Variants in DPP6 observed in about 807,000 individuals in gnomAD.
DPP6 encodes the protein A-type potassium channel modulatory protein DPP6.
Under a neutral mutation model 122.6 loss-of-function variants are expected in DPP6, and 69 were observed. The observed-to-expected ratio is 0.56, with a 90% CI of 0.46 to 0.69. DPP6 has a LOEUF of 0.69. DPP6 is among the 30% of genes least tolerant of loss of function. DPP6 has a pLI of 0.00. For missense variants in DPP6, 928 were observed against 1,116.9 expected (o/e 0.83, Z 2.41); for synonymous variants, 418 against 433.1 (o/e 0.97, Z 0.43).
chr7:154,674,168 G>A (rs1342290310), intron 7 of DPP6, among the ~76,000 whole-genome samples: 3 of 152,110 alleles, frequency 2.0e-5, no homozygotes, highest in African/African-American at 4.8e-5. Context: ...GAGCCACTCT[G>A]CCCGGCCATC....
chr7:154,693,591 C>T (rs905134213), intron 7 of DPP6, among the ~76,000 whole-genome samples: 4 of 152,128 alleles, frequency 2.6e-5, no homozygotes, highest in Non-Finnish European at 5.9e-5. Flanking sequence ...CTGGCTGGTG[C>T]CACTCACAGA....
At chr7:154,692,191 A>C (rs1344591421) in intron 7 of DPP6, among the ~76,000 whole-genome samples, 1 of 152,208 alleles carries the variant, frequency 6.6e-6, no homozygotes, top group Non-Finnish European at 1.5e-5. Context: ...CCAAAGACAT[A>C]ATAATATTTG....
intron 16 of DPP6, among the ~76,000 whole-genome samples, chr7:154,850,574 C>T (rs1038003820): frequency 1.3e-5 from 2 of 152,142 alleles, no homozygotes; most frequent in African/African-American, 2.4e-5. Context: ...AGCAGTGAAG[C>T]CATCAGGTCC....
chr7:154,658,229 C>T (rs1308799716), intron 6 of DPP6, among the ~76,000 whole-genome samples: 1 of 152,088 alleles, frequency 6.6e-6, no homozygotes, highest in Non-Finnish European at 1.5e-5. Context: ...ACCACATGCA[C>T]CACACTAATG....
the DPP6 span, among the ~76,000 whole-genome samples, chr7:153,803,661 C>CAT: frequency 3.3e-5 from 5 of 151,102 alleles, no homozygotes; most frequent in African/African-American, 4.9e-5. Flanking sequence ...AATAAATCTC[C>CAT]ATATATATAT....
chr7:154,753,431 A>T (rs532937404), intron 8 of DPP6, among the ~76,000 whole-genome samples: 18 of 152,244 alleles, frequency 1.2e-4, no homozygotes, highest in Admixed American at 5.2e-4. Context: ...GGGAGCCATC[A>T]TCCTCCACAG....
At chr7:154,176,799 C>T (rs1022537693) in intron 1 of DPP6, among the ~76,000 whole-genome samples, 2 of 152,170 alleles carry the variant, frequency 1.3e-5, no homozygotes, top group Non-Finnish European at 2.9e-5. Context: ...TCCTTCCATT[C>T]GGGGACCTGT....
intron 1 of DPP6, among the ~76,000 whole-genome samples, chr7:154,044,618 G>GT (rs1023637662): frequency 1.3e-5 from 2 of 152,120 alleles, no homozygotes; most frequent in African/African-American, 4.8e-5. Flanking sequence ...GCATCAACTC[G>GT]TTTTTTAAAT....
chr7:154,556,310 T>C (rs1830037342), intron 4 of DPP6, among the ~76,000 whole-genome samples: 1 of 152,184 alleles, frequency 6.6e-6, no homozygotes, highest in African/African-American at 2.4e-5. Context: ...AGGATATGAA[T>C]CACAGTCTGT....
intron 1 of DPP6, among the ~76,000 whole-genome samples, chr7:154,264,463 C>A (rs1803241787): frequency 6.6e-6 from 1 of 152,110 alleles, no homozygotes; most frequent in South Asian, 2.1e-4. Flanking sequence ...CAATTACTCT[C>A]TCTTAAGCCT....
At position 154,027,119 on chromosome 7, in the gene DPP6, G is replaced by T. The variant is rs1585196629; in HGVS notation, c.51+139385G>T. 2.0e-5 allele frequency: 3 copies of T among 148,240 alleles called. No individual in the cohort carries two copies. The East Asian group carries it at 5.9e-4, about 29-fold the overall frequency. The allele number at this position is 148,240 out of a possible 1,614,324, so 9.2% of individuals were successfully genotyped here. On this transcript the variant is annotated intron_variant, in intron 1 of 25. Transcript: ENST00000404039. Reference sequence around the variant, plus strand: ...TTTGAAATTTAATTATGATCAGGGAGTTCTAAAGGAAATTAAACATAGCAT... The same window carrying T: ...TTTGAAATTTAATTATGATCAGGGATTTCTAAAGGAAATTAAACATAGCAT...
At chr7:153,929,644 G>A (rs1801082339) in intron 1 of DPP6, among the ~76,000 whole-genome samples, 1 of 152,110 alleles carries the variant, frequency 6.6e-6, no homozygotes, top group Non-Finnish European at 1.5e-5. Flanking sequence ...TGGCTTTGAA[G>A]AAAGACCCAG....
At chr7:154,882,729 C>T (rs1805494892) in intron 21 of DPP6, among the ~76,000 whole-genome samples, 1 of 151,724 alleles carries the variant, frequency 6.6e-6, no homozygotes, top group Non-Finnish European at 1.5e-5. Context: ...GAGCAGGCCG[C>T]GTGGCCCTGC....
intron 7 of DPP6, among the ~76,000 whole-genome samples, chr7:154,709,693 T>C (rs1470960191): frequency 6.6e-6 from 1 of 152,078 alleles, no homozygotes; most frequent in Non-Finnish European, 1.5e-5. Flanking sequence ...ACTGATTCTA[T>C]GATCTCAAGC....
chr7:153,972,845 T>TA (rs1375248616), intron 1 of DPP6, among the ~76,000 whole-genome samples: 3 of 152,074 alleles, frequency 2.0e-5, no homozygotes, highest in Non-Finnish European at 4.4e-5. Context: ...TAAAATAGTC[T>TA]ACTTCTGTTA....
chr7:154,372,822 G>A (rs1188020228), intron 1 of DPP6, among the ~76,000 whole-genome samples: 2 of 152,200 alleles, frequency 1.3e-5, no homozygotes, highest in Non-Finnish European at 2.9e-5. Context: ...CGGCATACAG[G>A]GGTTAGAGTG....
chr7:154,252,371 C>T (rs1802408103), intron 1 of DPP6, among the ~76,000 whole-genome samples: 1 of 152,242 alleles, frequency 6.6e-6, no homozygotes, highest in Admixed American at 6.5e-5. Flanking sequence ...GCTGCCTTCC[C>T]AGGCAAGGAG....
At position 154,772,836 on chromosome 7, in the gene DPP6, A is replaced by C. The variant is rs773164243; in HGVS notation, c.1039-9A>C. 6.2e-7 allele frequency: 1 copy of C among 1,610,864 alleles called. No homozygotes were observed. The highest frequency in any genetic ancestry group is 8.5e-7 in the Non-Finnish European group (1 of 1,178,770). The stretch of plus-strand genomic sequence containing the variant: ...CTTGTTCATGTCTCTGCCCCTTTTT[A>C]ATCCCCAGGCTGGAAGTGAGAACCC... On this transcript the variant is annotated splice_polypyrimidine_tract_variant and intron_variant, in intron 9 of 25. Transcript: ENST00000377770.
chr7:154,317,666 G>T (rs529293224), intron 1 of DPP6, among the ~76,000 whole-genome samples: 1 of 152,170 alleles, frequency 6.6e-6, no homozygotes, highest in African/African-American at 2.4e-5. Context: ...ATTACTGAAT[G>T]TAGATTCTGA....
Sources: gnomAD v4.1 joint callset for allele counts (sites outside exome capture counted in the v4.1 genomes callset) on GRCh38, gnomAD v4.1.1 for gene constraint, MANE v1.5 for transcripts, NCBI Gene and HGNC (gene_info 2026-07-23, HGNC 2026-07-21) for gene names.